Variants in ARHGEF16 observed in about 807,000 individuals in gnomAD.
The protein encoded by ARHGEF16 is Rho guanine exchange factor (GEF) 16.
ARHGEF16 carries 59 observed loss-of-function variants against 74.1 expected under a neutral mutation model. That is an observed-to-expected ratio of 0.80 (90% CI 0.65 to 0.99). The LOEUF (loss-of-function observed/expected upper bound fraction) is 0.99, where lower values mean the gene tolerates loss of function less well. Ranked by LOEUF, ARHGEF16 falls within the 50% of genes least tolerant of loss-of-function variation. The pLI, the probability that ARHGEF16 is intolerant of heterozygous loss-of-function variation, is 0.00. For synonymous variants in ARHGEF16, 415 were observed against 412.6 expected (o/e 1.01, Z -0.07); for missense variants, 948 against 986.6 (o/e 0.96, Z 0.52).
At chr1:3,473,696 C>T (rs1205793552) in intron 8 of ARHGEF16, 174 bp downstream of exon 8, 19 of 1,089,720 alleles carry the variant, frequency 1.7e-5, no homozygotes, top group Non-Finnish European at 1.9e-5. Context: ...ACTTTGTGGT[C>T]GCCGCCACCC....
intron 6 of ARHGEF16, chr1:3,471,538 T>TGGGGGA (rs1410469699): frequency 7.9e-6 from 6 of 760,408 alleles, no homozygotes; most frequent in African/African-American, 7.8e-5. Flanking sequence ...GGGATGGGGC[T>TGGGGGA]GGGGGAGGGG....
At chr1:3,476,662 A>G (rs1315683758) in intron 10 of ARHGEF16, among the ~76,000 whole-genome samples, 1 of 152,068 alleles carries the variant, frequency 6.6e-6, no homozygotes, top group Non-Finnish European at 1.5e-5. Flanking sequence ...GTCCTGGGAC[A>G]GCCCAGGGCC....
At chr1:3,461,372 G>A (rs1007811116) in intron 1 of ARHGEF16, among the ~76,000 whole-genome samples, 3 of 152,176 alleles carry the variant, frequency 2.0e-5, no homozygotes, top group Admixed American at 6.5e-5. Context: ...ACTTCCCACC[G>A]TACCTTCAGG....
At chr1:3,468,501 T>C in intron 4 of ARHGEF16, 1 of 248,518 alleles carries the variant, frequency 4.0e-6, no homozygotes, top group South Asian at 5.5e-5. Flanking sequence ...CCAGGTGGGG[T>C]CTGAGTCACA....
Position 3,473,518 on chromosome 1 carries a change from T to G in ARHGEF16, c.1301T>G (p.Met434Arg). Residue 434 changes from methionine to arginine, a missense_variant, in exon 8 of 15, where the codon ATG becomes AGG. By Grantham distance (91) the Met-to-Arg change is moderately conservative. Transcript: ENST00000378378. Reference protein sequence around the residue: ...MQRVTRLPLLMDTLCLKTQGH... With the variant: ...MQRVTRLPLLRDTLCLKTQGH... The stretch of plus-strand genomic sequence containing the variant: ...CGGGTGACCCGGCTGCCCCTCCTGA[T>G]GGATGTAAGTCCACGGCCTGAGGGT... 6.2e-6 allele frequency: 10 copies of G among 1,608,138 alleles called. No individual in the cohort carries two copies. Among genetic ancestry groups the G allele is most frequent in the Non-Finnish European group, 8.5e-6 (10 of 1,179,984 alleles).
chr1:3,468,701 G>A (rs1448458010), intron 4 of ARHGEF16, 179 bp from the exon 5 acceptor site: 19 of 671,840 alleles, frequency 2.8e-5, no homozygotes. Context: ...TACACAGAGA[G>A]GAAGGTGACG....
intron 1 of ARHGEF16, among the ~76,000 whole-genome samples, chr1:3,457,169 G>A (rs1040807953): frequency 3.3e-5 from 5 of 152,372 alleles, no homozygotes; most frequent in Admixed American, 3.3e-4. Context: ...TGCATGATTT[G>A]CAAAAGCAAG....
In ARHGEF16 at chr1:3,480,599, CCAGCCGGCGGCAGCA is replaced by C; in HGVS notation, c.*18_*32del. ...AGACGGACGTGTAGCCCTGGCGAGG[CCAGCCGGCGGCAGCA>C]CAGCCTGTCTCCAATCAGCAAGTGG... is the stretch of plus-strand genomic sequence containing the variant. On this transcript the variant is annotated 3_prime_UTR_variant, in exon 15 of 15. Transcript: ENST00000378378. 5 of 1,601,478 alleles carry C rather than the reference CCAGCCGGCGGCAGCA, an allele frequency of 3.1e-6. No homozygotes were observed. The South Asian group carries it at 3.3e-5, about 11-fold the overall frequency.
chr1:3,457,857 G>T (rs1639302257), intron 1 of ARHGEF16, among the ~76,000 whole-genome samples: 1 of 152,220 alleles, frequency 6.6e-6, no homozygotes, highest in African/African-American at 2.4e-5. Flanking sequence ...ACCAGGTGGG[G>T]TATTTAGTGG....
At chr1:3,467,587 G>A (rs1047103962) in intron 4 of ARHGEF16, among the ~76,000 whole-genome samples, 4 of 152,228 alleles carry the variant, frequency 2.6e-5, no homozygotes, top group Admixed American at 2.0e-4. Flanking sequence ...GCCCTGCTCA[G>A]ACTACCCTTC....
At position 3,480,461 on chromosome 1, in the gene ARHGEF16, C is replaced by T. The variant is rs370789981; in HGVS notation, c.2004C>T (p.Gly668=). 1.1e-5 allele frequency: 18 copies of T among 1,612,394 alleles called. No homozygotes were observed. The Admixed American group carries it at 1.2e-4, about 10-fold the overall frequency. The change falls in exon 15 of 15, where the codon GGC becomes GGT. Residue 668 remains glycine, a synonymous_variant. Coordinates refer to ENST00000378378, the MANE Select transcript of ARHGEF16 (RefSeq NM_014448.4). ...VLQQEDGWLY[G]ERLRDGETGW... is the part of the protein sequence containing the mutation. ...ATCCGGGTTCAGGGTGGCTCTATGG[C>T]GAGAGGCTCCGGGACGGAGAGACGG...
chr1:3,457,567 G>T (rs567007759), intron 1 of ARHGEF16, among the ~76,000 whole-genome samples: 2 of 152,076 alleles, frequency 1.3e-5, no homozygotes, highest in South Asian at 4.1e-4. Flanking sequence ...CCATCTCTCC[G>T]GAAGGATAAG....
At chr1:3,474,856 C>T in intron 9 of ARHGEF16, 74 bp downstream of exon 9, 1 of 1,369,128 alleles carries the variant, frequency 7.3e-7, no homozygotes, top group Non-Finnish European at 1.0e-6. Context: ...CCCACCCTAC[C>T]CGATGGCATA....
In ARHGEF16 at chr1:3,479,801, G is replaced by A. The variant is rs1400382412; in HGVS notation, c.1889-11G>A. The A allele has an allele frequency of 6.2e-7, 1 of 1,611,500 alleles. No individual in the cohort carries two copies. The highest frequency in any genetic ancestry group is 1.7e-5 in the Admixed American group (1 of 60,020). ...TCCCGACAGCCCTGTGATGGCCACTGCCCTATGCAGACCTGCCCCAGGTGG... is the reference window on the plus strand; with the variant it reads ...TCCCGACAGCCCTGTGATGGCCACTACCCTATGCAGACCTGCCCCAGGTGG... On this transcript the variant is annotated splice_polypyrimidine_tract_variant and intron_variant, in intron 13 of 14. Transcript: ENST00000378378.
rs764714977 is a variant in ARHGEF16, at chr1:3,473,153, C to G, written c.1098C>G (p.His366Gln). ...ACATCAGTGACATCCTGGAGGAGCACGCTGAGAAGCACTTCCACCCCTACA... is the reference window on the plus strand; with the variant it reads ...ACATCAGTGACATCCTGGAGGAGCAGGCTGAGAAGCACTTCCACCCCTACA... ...VEDISDILEE[H>Q]AEKHFHPYIA... The change falls in exon 7 of 15, where the codon CAC becomes CAG. Residue 366 changes from histidine (H) to glutamine (Q), a missense_variant. By Grantham distance (24) the His-to-Gln change is conservative. Transcript: ENST00000378378. 1 of 1,613,280 alleles carries G rather than the reference C, an allele frequency of 6.2e-7. No homozygotes were observed. The highest frequency in any genetic ancestry group is 8.5e-7 in the Non-Finnish European group (1 of 1,179,820).
chr1:3,456,469 T>A (rs558821432), intron 1 of ARHGEF16, among the ~76,000 whole-genome samples: 2 of 152,194 alleles, frequency 1.3e-5, no homozygotes, highest in Non-Finnish European at 2.9e-5. Context: ...TTCTAGTGAC[T>A]CCCTGGCTGA....
chr1:3,477,866 T>TC lies in ARHGEF16; in HGVS notation c.1474-3dup, dbSNP rs1639933560. Reference sequence around the variant, plus strand: ...CACTGATCTCCGCCTCCCGGCTCTGTCCCCCCAGTCCCTCCCACTGATCTC... The same window carrying TC: ...CACTGATCTCCGCCTCCCGGCTCTGTCCCCCCCAGTCCCTCCCACTGATCTC... On this transcript the variant is annotated splice_polypyrimidine_tract_variant and intron_variant, in intron 10 of 14. Transcript: ENST00000378378. The TC allele has an allele frequency of 6.3e-7, 1 of 1,599,266 alleles. No individual in the cohort carries two copies. Among genetic ancestry groups the TC allele is most frequent in the African/African-American group, 1.4e-5 (1 of 73,818 alleles).
At chr1:3,455,979 C>A (rs1639257030) in intron 1 of ARHGEF16, among the ~76,000 whole-genome samples, 2 of 152,124 alleles carry the variant, frequency 1.3e-5, no homozygotes, top group Non-Finnish European at 1.5e-5. Flanking sequence ...AGAGCAGGAG[C>A]CATGGGCTGA....
rs577342838 is a variant in ARHGEF16, at chr1:3,467,372, A to G, written c.804+35A>G. 819 of 1,528,944 alleles carry G rather than the reference A, an allele frequency of 5.4e-4. 5 individuals carry two copies. In the African/African-American group the frequency reaches 0.01, roughly 20 times the overall value. 94.7% of individuals were successfully genotyped at this position (1,528,944 alleles called of 1,614,324 possible). A position where few individuals can be genotyped will look rare whatever the true frequency, so the allele number is the denominator to read the frequency against. ...GAGGGTGGGTGAGGCTGCCCCACAGAGGCAGGGAGAAGCCACAGTCCCCCT... is the reference window on the plus strand; with the variant it reads ...GAGGGTGGGTGAGGCTGCCCCACAGGGGCAGGGAGAAGCCACAGTCCCCCT... On this transcript the variant is annotated intron_variant, in intron 4 of 14. Coordinates refer to ENST00000378378, the MANE Select transcript of ARHGEF16 (RefSeq NM_014448.4).
Sources: gnomAD v4.1 joint callset for allele counts (sites outside exome capture counted in the v4.1 genomes callset) on GRCh38, gnomAD v4.1.1 for gene constraint, MANE v1.5 for transcripts, NCBI Gene and HGNC (gene_info 2026-07-23, HGNC 2026-07-21) for gene names.